The following GUCY2F variants were observed in gnomAD, a reference collection of about 807,000 sequenced individuals.
The protein encoded by GUCY2F is retinal guanylyl cyclase 2.
GUCY2F carries 61 observed loss-of-function variants against 73.1 expected under a neutral mutation model. The observed-to-expected ratio is 0.83, with a 90% CI of 0.68 to 1.03. The LOEUF is 1.03. GUCY2F is among the 50% of genes least tolerant of loss of function. GUCY2F has a pLI of 0.00. For synonymous variants in GUCY2F, 331 were observed against 307.8 expected, an observed-to-expected ratio of 1.08 and a Z score of -0.79; for missense variants, 912 against 854.3, an observed-to-expected ratio of 1.07 and a Z score of -0.84.
At chrX:109,380,760 C>T (rs1450029230) in intron 17 of GUCY2F, among the ~76,000 whole-genome samples, 1 of 111,803 alleles carries the variant, frequency 8.9e-6, no homozygotes, top group East Asian at 2.8e-4. Flanking sequence ...ATTTGTGGGA[C>T]AATAAAAACC....
chrX:109,398,356 C>T (rs1930757979), intron 11 of GUCY2F, among the ~76,000 whole-genome samples, 193 bp downstream of exon 11: 1 of 111,759 alleles, frequency 8.9e-6, no homozygotes, highest in South Asian at 3.8e-4. Flanking sequence ...AGGCCAGCTT[C>T]TTGGGTGGCG....
intron 12 of GUCY2F, among the ~76,000 whole-genome samples, chrX:109,394,079 C>CT (rs1193430215): frequency 2.7e-5 from 3 of 111,586 alleles, no homozygotes; most frequent in Non-Finnish European, 5.7e-5. Context: ...CCCAGGGAAC[C>CT]TCCCTCTCCT....
Position 109,435,657 on chromosome X carries a change from A to G in GUCY2F, c.1702-5261T>C, listed in dbSNP as rs760950295. Among the ~76,000 whole-genome samples, 639 of 110,005 alleles carry G rather than the reference A, an allele frequency of 5.8e-3. 17 individuals carry two copies. Among genetic ancestry groups the G allele is most frequent in the Admixed American group, 0.054 (554 of 10,289 alleles). On this transcript the variant is annotated intron_variant, in intron 7 of 19. Coordinates refer to ENST00000218006, the MANE Select transcript of GUCY2F (RefSeq NM_001522.3). ...CTGATTGCCCTGGCCAGAACTTCCA[A>G]CACTATGTTGAATAGGAGTGGTGAG...
intron 12 of GUCY2F, among the ~76,000 whole-genome samples, chrX:109,394,257 C>A (rs1230537066): frequency 2.7e-5 from 3 of 112,169 alleles, no homozygotes; most frequent in Non-Finnish European, 5.6e-5. Context: ...GGCTTCTCTG[C>A]TGCCTTCTGA....
intron 7 of GUCY2F, among the ~76,000 whole-genome samples, chrX:109,433,242 C>A (rs1931654857): frequency 8.9e-6 from 1 of 112,287 alleles, no homozygotes; most frequent in Admixed American, 9.4e-5. Flanking sequence ...TTCTGTCTGG[C>A]TTATTAAGTG....
chrX:109,446,331 C>T (rs922316709), intron 6 of GUCY2F, among the ~76,000 whole-genome samples: 13 of 111,398 alleles, frequency 1.2e-4, no homozygotes, highest in Non-Finnish European at 2.5e-4. Context: ...ATGCTAAGCC[C>T]AAAGAACAAA....
chrX:109,416,429 G>A (rs1931242957), intron 8 of GUCY2F, among the ~76,000 whole-genome samples: 1 of 110,547 alleles, frequency 9.0e-6, no homozygotes, highest in African/African-American at 3.3e-5. Flanking sequence ...AATTTGCTAG[G>A]TGGGCTTAGG....
intron 1 of GUCY2F, 25 bp from the exon 2 acceptor site, chrX:109,476,046 T>C: frequency 4.4e-6 from 3 of 675,620 alleles, no homozygotes; most frequent in Non-Finnish European, 6.4e-6. Flanking sequence ...AAAAGGTTTG[T>C]TACTCACATT....
intron 8 of GUCY2F, among the ~76,000 whole-genome samples, chrX:109,419,939 C>T (rs1024822146): frequency 9.2e-6 from 1 of 109,130 alleles, no homozygotes; most frequent in Non-Finnish European, 1.9e-5. Context: ...TGATAACCAA[C>T]GGAGTGTGAT....
intron 8 of GUCY2F, among the ~76,000 whole-genome samples, chrX:109,411,821 C>G (rs1365215016): frequency 9.0e-6 from 1 of 111,301 alleles, no homozygotes; most frequent in Non-Finnish European, 1.9e-5. Flanking sequence ...TGAGATTACC[C>G]AAGGAAAGTA....
rs1444143201 is a variant in GUCY2F, at chrX:109,417,491, G to A, written c.1792-8323C>T. ...TCACTAAAACGTGCAAAAATGTATCGCTAAAATGCCAATATAGGAAACAAA... is the reference window on the plus strand; with the variant it reads ...TCACTAAAACGTGCAAAAATGTATCACTAAAATGCCAATATAGGAAACAAA... On this transcript the variant is annotated intron_variant, in intron 8 of 19. Transcript: ENST00000218006. 3.6e-5 allele frequency among the ~76,000 whole-genome samples: 4 copies of A among 110,844 alleles called. No homozygotes were observed. The East Asian group carries it at 8.4e-4, about 23-fold the overall frequency.
intron 3 of GUCY2F, 85 bp from the exon 4 acceptor site, chrX:109,453,944 T>C (rs1259425482): frequency 5.5e-5 from 28 of 508,774 alleles, no homozygotes; most frequent in Non-Finnish European, 6.3e-6. Flanking sequence ...TTCATTATTA[T>C]GGTCTGCACA....
intron 8 of GUCY2F, among the ~76,000 whole-genome samples, chrX:109,414,267 T>A (rs928528240): frequency 8.9e-6 from 1 of 111,838 alleles, no homozygotes; most frequent in Non-Finnish European, 1.9e-5. Context: ...ACACTGTGCC[T>A]GGCCTCGACA....
chrX:109,463,585 C>A (rs1165663623), intron 3 of GUCY2F, among the ~76,000 whole-genome samples: 1 of 109,597 alleles, frequency 9.1e-6, no homozygotes, highest in Admixed American at 9.7e-5. Flanking sequence ...CTACAGGCGC[C>A]CGCCACCACG....
intron 17 of GUCY2F, among the ~76,000 whole-genome samples, chrX:109,376,527 G>A (rs763314939): frequency 7.1e-5 from 8 of 112,159 alleles, no homozygotes; most frequent in South Asian, 3.7e-4. Context: ...CTACCTACCC[G>A]CTTACCGTCT....
Position 109,434,401 on chromosome X carries a change from T to G in GUCY2F, c.1702-4005A>C, listed in dbSNP as rs751866006. Among the ~76,000 whole-genome samples the G allele has an allele frequency of 5.5e-5, 6 of 109,537 alleles. No homozygotes were observed. The South Asian group carries it at 2.5e-3, about 46-fold the overall frequency. On this transcript the variant is annotated intron_variant, in intron 7 of 19. Transcript: ENST00000218006. ...TTTTCCCACACAATTCCAAAGGTTA[T>G]GCATCTGTGTGTACAATAAAAGTGT...
chrX:109,393,961 A>G (rs1247997938), intron 12 of GUCY2F, among the ~76,000 whole-genome samples: 1 of 112,327 alleles, frequency 8.9e-6, no homozygotes, highest in Non-Finnish European at 1.9e-5. Flanking sequence ...CCCAAGGCCA[A>G]CACTAGGAGT....
intron 16 of GUCY2F, among the ~76,000 whole-genome samples, 175 bp downstream of exon 16, chrX:109,385,009 G>T (rs778530113): frequency 2.7e-5 from 3 of 111,706 alleles, no homozygotes; most frequent in South Asian, 3.8e-4. Flanking sequence ...CTACTGGTTT[G>T]CCATTAGAGA....
At position 109,385,253 on chromosome X, in the gene GUCY2F, T is replaced by G; in HGVS notation, c.2986A>C (p.Thr996Pro). 1 of 1,186,303 alleles carries G rather than the reference T, an allele frequency of 8.4e-7. No homozygotes were observed. The highest frequency in any genetic ancestry group is 1.1e-6 in the Non-Finnish European group (1 of 874,000). Residue 996 changes from threonine (T) to proline (P), a missense_variant, in exon 16 of 20, where the codon ACC becomes CCC. Physicochemically the swap from Thr to Pro is conservative, Grantham distance 38. Coordinates refer to ENST00000218006, the MANE Select transcript of GUCY2F (RefSeq NM_001522.3). ...GPVVAGVVGLTMPRYCLFGDT... is the reference protein window; with the variant it reads ...GPVVAGVVGLPMPRYCLFGDT... ...CCAAACAAGCAGTATCTGGGCATGG[T>G]GAGGCCCACCACTCCAGCAACAACC...
Sources: gnomAD v4.1 joint callset for allele counts (sites outside exome capture counted in the v4.1 genomes callset) on GRCh38, gnomAD v4.1.1 for gene constraint, MANE v1.5 for transcripts, NCBI Gene and HGNC (gene_info 2026-07-23, HGNC 2026-07-21) for gene names.